Variants in TDRD3 observed in about 807,000 individuals in gnomAD.
The protein encoded by TDRD3 is tudor domain containing 3.
TDRD3 carries 45 observed loss-of-function variants against 86.7 expected under a neutral mutation model. The observed-to-expected ratio is 0.52, with a 90% CI of 0.41 to 0.67. The LOEUF (loss-of-function observed/expected upper bound fraction) is 0.67. Ranked by LOEUF, TDRD3 falls within the 30% of genes least tolerant of loss-of-function variation. TDRD3 has a pLI of 0.00. For synonymous variants in TDRD3, 298 were observed against 301.7 expected, an observed-to-expected ratio of 0.99 and a Z score of 0.13; for missense variants, 814 against 889.0, an observed-to-expected ratio of 0.92 and a Z score of 1.07.
chr13:60,450,815 T>G (rs1955520318), intron 3 of TDRD3, among the ~76,000 whole-genome samples: 1 of 152,142 alleles, frequency 6.6e-6, no homozygotes, highest in Admixed American at 6.6e-5. Flanking sequence ...GGCAGCTGTT[T>G]CAGTTTAGTG....
At chr13:60,437,195 C>T (rs1036765342) in intron 1 of TDRD3, among the ~76,000 whole-genome samples, 9 of 136,560 alleles carry the variant, frequency 6.6e-5, no homozygotes, top group South Asian at 2.3e-4. Context: ...GGCATGATCT[C>T]GGCTCACTGC....
chr13:60,518,193 A>G (rs1172477899), intron 10 of TDRD3, among the ~76,000 whole-genome samples: 1 of 152,190 alleles, frequency 6.6e-6, no homozygotes. Flanking sequence ...CCCAAGCTTC[A>G]TGGAGAGGCT....
chr13:60,435,130 G>A (rs979998642), intron 1 of TDRD3, among the ~76,000 whole-genome samples: 2 of 152,136 alleles, frequency 1.3e-5, no homozygotes, highest in Non-Finnish European at 2.9e-5. Context: ...CAATCGTCCA[G>A]TATTAACAAA....
At chr13:60,431,206 A>G (rs1765834329) in intron 1 of TDRD3, among the ~76,000 whole-genome samples, 1 of 152,066 alleles carries the variant, frequency 6.6e-6, no homozygotes, top group African/African-American at 2.4e-5. Flanking sequence ...ACAAAAAACA[A>G]ATGTCAGAAA....
intron 1 of TDRD3, among the ~76,000 whole-genome samples, chr13:60,410,524 C>CA (rs1242015579): frequency 6.6e-6 from 1 of 152,176 alleles, no homozygotes; most frequent in Non-Finnish European, 1.5e-5. Context: ...CAAGTACTGG[C>CA]AACCCTTTGT....
intron 10 of TDRD3, among the ~76,000 whole-genome samples, chr13:60,511,310 A>G (rs1281104875): frequency 1.3e-5 from 2 of 152,230 alleles, no homozygotes; most frequent in African/African-American, 2.4e-5. Flanking sequence ...AGTTAAGGAA[A>G]TATACTTTTA....
At chr13:60,452,815 GT>G (rs34514318) in intron 3 of TDRD3, among the ~76,000 whole-genome samples, 50,886 of 144,672 alleles carry the variant, frequency 0.35, 9,466 homozygotes, top group South Asian at 0.48. Context: ...ACTGTTCTTA[GT>G]TTTTTTTTTT....
intron 1 of TDRD3, among the ~76,000 whole-genome samples, chr13:60,438,716 T>A (rs994018537): frequency 6.6e-5 from 10 of 152,172 alleles, no homozygotes; most frequent in African/African-American, 1.9e-4. Flanking sequence ...ATAAGTATCT[T>A]AGAATCAGTC....
intron 5 of TDRD3, among the ~76,000 whole-genome samples, chr13:60,471,188 T>C (rs1956070506): frequency 6.6e-6 from 1 of 152,240 alleles, no homozygotes; most frequent in African/African-American, 2.4e-5. Flanking sequence ...TTAGCTTTTA[T>C]GCTTAGGTCT....
At chr13:60,549,602 G>A (rs932144995) in intron 12 of TDRD3, among the ~76,000 whole-genome samples, 5 of 152,130 alleles carry the variant, frequency 3.3e-5, no homozygotes, top group African/African-American at 7.2e-5. Context: ...GTATGTGCAC[G>A]TGGACAAACG....
chr13:60,566,406 G>C (rs1958460599), intron 12 of TDRD3, among the ~76,000 whole-genome samples: 1 of 151,634 alleles, frequency 6.6e-6, no homozygotes, highest in Non-Finnish European at 1.5e-5. Context: ...TGCAGTAATT[G>C]GATCTATAAA....
At chr13:60,415,519 T>C (rs1019134170) in intron 1 of TDRD3, among the ~76,000 whole-genome samples, 8 of 152,156 alleles carry the variant, frequency 5.3e-5, no homozygotes, top group East Asian at 3.8e-4. Context: ...AATGCCATTA[T>C]TGGGAAAACT....
At chr13:60,424,707 C>T (rs1327841665) in intron 1 of TDRD3, among the ~76,000 whole-genome samples, 1 of 152,134 alleles carries the variant, frequency 6.6e-6, no homozygotes, top group Non-Finnish European at 1.5e-5. Flanking sequence ...GCATATCATT[C>T]AGTAGCTTTT....
chr13:60,459,492 A>G (rs1178561218), intron 3 of TDRD3, among the ~76,000 whole-genome samples: 4 of 152,248 alleles, frequency 2.6e-5, no homozygotes, highest in African/African-American at 9.6e-5. Flanking sequence ...TTTATTTTAA[A>G]AAGGAAAATG....
intron 8 of TDRD3, among the ~76,000 whole-genome samples, chr13:60,503,659 T>C (rs914552707): frequency 3.9e-5 from 6 of 152,166 alleles, no homozygotes; most frequent in Non-Finnish European, 8.8e-5. Flanking sequence ...ATTTTGAAAC[T>C]TGAAGTTTGA....
At chr13:60,424,781 G>T (rs955595896) in intron 1 of TDRD3, among the ~76,000 whole-genome samples, 1 of 152,176 alleles carries the variant, frequency 6.6e-6, no homozygotes, top group African/African-American at 2.4e-5. Flanking sequence ...AACCCGATAT[G>T]CATTGGCATC....
chr13:60,539,256 G>A (rs936950827), intron 12 of TDRD3, among the ~76,000 whole-genome samples: 3 of 152,046 alleles, frequency 2.0e-5, no homozygotes, highest in African/African-American at 7.2e-5. Context: ...GAGGGTATAT[G>A]TAAGTCTATA....
intron 6 of TDRD3, chr13:60,484,672 T>G (rs1392853223): frequency 4.5e-6 from 2 of 446,674 alleles, no homozygotes; most frequent in African/African-American, 2.0e-5. Context: ...AAAATAATGT[T>G]GATTTTTTTT....
At chr13:60,570,563 T>C (rs776175506) in intron 13 of TDRD3, among the ~76,000 whole-genome samples, 2 of 152,244 alleles carry the variant, frequency 1.3e-5, no homozygotes, top group Admixed American at 6.5e-5. Flanking sequence ...ACTGTGTATT[T>C]ATCCAAAGGA....
Sources: allele counts gnomAD v4.1 joint callset (sites outside exome capture counted in the v4.1 genomes callset), GRCh38; gene constraint gnomAD v4.1.1; transcripts MANE v1.5; gene names NCBI Gene and HGNC (gene_info 2026-07-23, HGNC 2026-07-21).